ZBTB44: variants seen among roughly 807,000 people sequenced by gnomAD.
ZBTB44 encodes zinc finger and BTB domain-containing protein 44.
A neutral mutation model predicts 54.0 loss-of-function variants in ZBTB44; 15 were observed. The ratio of observed to expected loss-of-function variants is 0.28; its 90% CI spans 0.19 to 0.43. The LOEUF (loss-of-function observed/expected upper bound fraction) is 0.43, where lower values mean the gene tolerates loss of function less well. ZBTB44 is among the 20% of genes least tolerant of loss of function. The pLI, the probability that ZBTB44 is intolerant of heterozygous loss-of-function variation, is 1.00. For synonymous variants in ZBTB44, 230 were observed against 250.1 expected (o/e 0.92, Z 0.76); for missense variants, 487 against 707.1 (o/e 0.69, Z 3.53).
intron 2 of ZBTB44, among the ~76,000 whole-genome samples, chr11:130,251,405 A>T (rs894805993): frequency 6.6e-5 from 10 of 152,230 alleles, no homozygotes; most frequent in Non-Finnish European, 1.2e-4. Flanking sequence ...TCCCCAACCT[A>T]GCAACACAGG....
chr11:130,235,989 T>G, intron 5 of ZBTB44: 1 of 904,058 alleles, frequency 1.1e-6, no homozygotes, highest in South Asian at 2.5e-5. Flanking sequence ...AAAGAAAGAT[T>G]TGTAAAAATT....
intron 2 of ZBTB44, among the ~76,000 whole-genome samples, chr11:130,251,512 A>G (rs922220681): frequency 6.6e-5 from 10 of 152,334 alleles, no homozygotes; most frequent in Admixed American, 4.6e-4. Context: ...TCCAAGGTTG[A>G]AATGAAGGAA....
At chr11:130,298,033 CAG>C (rs1420813729) in intron 1 of ZBTB44, among the ~76,000 whole-genome samples, 1 of 151,982 alleles carries the variant, frequency 6.6e-6, no homozygotes, top group Admixed American at 6.6e-5. Flanking sequence ...TCAGATAAAG[CAG>C]ACTTAAGACA....
chr11:130,249,017 T>C (rs948181834), intron 2 of ZBTB44, among the ~76,000 whole-genome samples: 3 of 152,082 alleles, frequency 2.0e-5, no homozygotes, highest in Non-Finnish European at 2.9e-5. Context: ...GGCAGGAGAA[T>C]TGCTTGAACC....
chr11:130,263,378 G>A (rs1263196540), intron 1 of ZBTB44, among the ~76,000 whole-genome samples: 1 of 152,140 alleles, frequency 6.6e-6, no homozygotes, highest in Non-Finnish European at 1.5e-5. Flanking sequence ...GAAAATGGGA[G>A]GGCTATATAT....
At chr11:130,253,352 T>C (rs1300040452) in intron 2 of ZBTB44, among the ~76,000 whole-genome samples, 1 of 152,230 alleles carries the variant, frequency 6.6e-6, no homozygotes, top group Non-Finnish European at 1.5e-5. Context: ...CTTAAGCTGA[T>C]AAGCAACTTC....
intron 1 of ZBTB44, among the ~76,000 whole-genome samples, chr11:130,283,015 A>AT (rs1940643802): frequency 6.6e-6 from 1 of 151,696 alleles, no homozygotes; most frequent in South Asian, 2.1e-4. Flanking sequence ...AAAATATAAA[A>AT]TAAAATTTGC....
At chr11:130,306,683 A>G (rs1405548021) in intron 1 of ZBTB44, among the ~76,000 whole-genome samples, 1 of 152,204 alleles carries the variant, frequency 6.6e-6, no homozygotes, top group African/African-American at 2.4e-5. Flanking sequence ...CAACGAGCAG[A>G]TAAAGAAAAC....
Position 130,295,709 on chromosome 11 carries a change from T to A in ZBTB44, c.-57+18666A>T, listed in dbSNP as rs535243610. On this transcript the variant is annotated intron_variant, in intron 1 of 7. Coordinates refer to ENST00000357899, the MANE Select transcript of ZBTB44 (RefSeq NM_001301098.2). ...GACCACTTCTGGAAGGCAGGGATCT[T>A]CTAGCAGCTGCAAAAACAGGCAGTG... 9.1e-5 allele frequency: 139 copies of A among 1,526,994 alleles called. No homozygotes were observed. The African/African-American group carries it at 1.8e-3, about 20-fold the overall frequency. The allele number at this position is 1,526,994 out of a possible 1,614,324, so 94.6% of individuals were successfully genotyped here. A position where few individuals can be genotyped will look rare whatever the true frequency, so the allele number is the denominator to read the frequency against.
At chr11:130,287,550 A>C (rs1941040678) in intron 1 of ZBTB44, among the ~76,000 whole-genome samples, 1 of 152,256 alleles carries the variant, frequency 6.6e-6, no homozygotes, top group South Asian at 2.1e-4. Context: ...TAAAATGCAG[A>C]GACATATTAA....
intron 1 of ZBTB44, among the ~76,000 whole-genome samples, chr11:130,306,947 T>C (rs1242155148): frequency 1.3e-5 from 2 of 151,346 alleles, no homozygotes; most frequent in South Asian, 4.1e-4. Context: ...CAGCGTACAC[T>C]GCTCAGGTGA....
chr11:130,260,212 A>G (rs1938760448), intron 2 of ZBTB44, among the ~76,000 whole-genome samples: 1 of 152,154 alleles, frequency 6.6e-6, no homozygotes, highest in Admixed American at 6.5e-5. Context: ...ACTTACTTAC[A>G]TCATTTTGCA....
In ZBTB44 at chr11:130,231,426, T is replaced by C. The variant is rs1329566357; in HGVS notation, c.*338A>G. ...TATGCATTTTCACAGTATATTCAGA[T>C]TTCCCATAAAACTTGGCAATGTGTA... is the stretch of plus-strand genomic sequence containing the variant. On this transcript the variant is annotated 3_prime_UTR_variant, in exon 8 of 8. Transcript: ENST00000357899. 3 of 152,170 alleles carry C rather than the reference T, an allele frequency of 2.0e-5. No individual in the cohort carries two copies. Among genetic ancestry groups the C allele is most frequent in the Non-Finnish European group, 4.4e-5 (3 of 68,006 alleles). The allele number at this position is 152,170 out of a possible 1,614,324, so 9.4% of individuals were successfully genotyped here.
At chr11:130,305,153 GAATC>G (rs1446714684) in intron 1 of ZBTB44, among the ~76,000 whole-genome samples, 2 of 142,680 alleles carry the variant, frequency 1.4e-5, no homozygotes, top group Non-Finnish European at 2.9e-5. Flanking sequence ...TGGATGGGTA[GAATC>G]AATATGGTGA....
chr11:130,302,907 G>A (rs1289220903), intron 1 of ZBTB44, among the ~76,000 whole-genome samples: 1 of 152,126 alleles, frequency 6.6e-6, no homozygotes, highest in Non-Finnish European at 1.5e-5. Flanking sequence ...CCTGGAAAGT[G>A]CAGGTTGCAG....
intron 1 of ZBTB44, among the ~76,000 whole-genome samples, chr11:130,266,902 A>C (rs1191801551): frequency 6.6e-6 from 1 of 152,212 alleles, no homozygotes; most frequent in African/African-American, 2.4e-5. Context: ...AGAAAACTAC[A>C]TACACCTTGT....
chr11:130,244,483 C>T (rs900489863), intron 2 of ZBTB44, among the ~76,000 whole-genome samples: 4 of 151,922 alleles, frequency 2.6e-5, no homozygotes, highest in Non-Finnish European at 4.4e-5. Flanking sequence ...CTGGCTAACA[C>T]GGTGAAACCC....
At chr11:130,297,017 T>C in intron 1 of ZBTB44, 2 of 715,072 alleles carry the variant, frequency 2.8e-6, no homozygotes, top group Non-Finnish European at 5.1e-6. Flanking sequence ...TTAAACACAT[T>C]AGCAAGAAAT....
chr11:130,281,516 A>AAAATAAATAAATAAAT (rs58860118), intron 1 of ZBTB44, among the ~76,000 whole-genome samples: 253 of 138,840 alleles, frequency 1.8e-3, no homozygotes, highest in Non-Finnish European at 2.7e-3. Flanking sequence ...ACCCTGTCTC[A>AAAATAAATAAATAAAT]AAATAAATAA....
Sources: gnomAD v4.1 joint callset for allele counts (sites outside exome capture counted in the v4.1 genomes callset) on GRCh38, gnomAD v4.1.1 for gene constraint, MANE v1.5 for transcripts, NCBI Gene and HGNC (gene_info 2026-07-23, HGNC 2026-07-21) for gene names.